Variants in TCF12 observed in about 807,000 individuals in gnomAD.
TCF12 encodes transcription factor 12.
A neutral mutation model predicts 86.0 loss-of-function variants in TCF12; 45 were observed. That is an observed-to-expected ratio of 0.52 (90% CI 0.41 to 0.67). TCF12 has a LOEUF of 0.67. Among genes scored for constraint, TCF12 ranks in the 30% least tolerant of loss-of-function variants. The probability of loss-of-function intolerance (pLI) is 0.00; values close to 1 mark genes in which losing one functional copy is unlikely to be tolerated. For synonymous variants in TCF12, 330 were observed against 299.6 expected (o/e 1.10, Z -1.05); for missense variants, 881 against 859.9 (o/e 1.02, Z -0.31).
intron 13 of TCF12, among the ~76,000 whole-genome samples, chr15:57,244,525 T>A (rs780526961): frequency 9.2e-5 from 14 of 152,208 alleles, no homozygotes; most frequent in Non-Finnish European, 4.4e-5. Context: ...AGTGGCATAA[T>A]CTCGGCTTAC....
In TCF12 at chr15:57,252,310, C is replaced by G. The variant is rs2060154383; in HGVS notation, c.1189-111C>G. 4.1e-6 allele frequency: 3 copies of G among 729,998 alleles called. No homozygotes were observed. The African/African-American group carries it at 5.3e-5, about 13-fold the overall frequency. 45.2% of individuals were successfully genotyped at this position (729,998 alleles called of 1,614,324 possible). ...ATAAAATAGATCTCGCAAGTCTTGG[C>G]GTTAACTTTACTAACATGTTATGCT... On this transcript the variant is annotated intron_variant, in intron 14 of 20. Coordinates refer to ENST00000333725, the MANE Select transcript of TCF12 (RefSeq NM_207037.2).
intron 6 of TCF12, among the ~76,000 whole-genome samples, chr15:57,176,147 A>G (rs1308998025): frequency 6.6e-6 from 1 of 152,168 alleles, no homozygotes; most frequent in African/African-American, 2.4e-5. Flanking sequence ...ACAGTGAGCT[A>G]TAATCGCATC....
At chr15:57,067,569 GT>G (rs1360885904) in intron 4 of TCF12, among the ~76,000 whole-genome samples, 2 of 149,168 alleles carry the variant, frequency 1.3e-5, no homozygotes, top group Non-Finnish European at 3.0e-5. Context: ...AAAAAGAGTG[GT>G]TATAGAAGAA....
At chr15:56,931,956 G>T (rs1369204489) in intron 3 of TCF12, among the ~76,000 whole-genome samples, 3 of 152,296 alleles carry the variant, frequency 2.0e-5, no homozygotes, top group Non-Finnish European at 4.4e-5. Flanking sequence ...CTTAAAGTTT[G>T]TAGGGGTTTG....
chr15:56,987,007 A>G (rs1402289434), intron 3 of TCF12, among the ~76,000 whole-genome samples: 4 of 152,186 alleles, frequency 2.6e-5, no homozygotes, highest in African/African-American at 9.7e-5. Context: ...CTATAATATT[A>G]CTAATTAATA....
At chr15:57,077,947 A>G (rs915775870) in intron 4 of TCF12, among the ~76,000 whole-genome samples, 23 of 152,106 alleles carry the variant, frequency 1.5e-4, no homozygotes, top group Admixed American at 1.1e-3. Context: ...TGTCTCGTCT[A>G]TGAGATGGGG....
intron 5 of TCF12, 120 bp downstream of exon 5, chr15:57,092,011 G>T (rs1261506529): frequency 1.5e-6 from 1 of 683,124 alleles, no homozygotes; most frequent in Non-Finnish European, 2.4e-6. Flanking sequence ...AGTTTCTAGG[G>T]GCATCTAGGG....
chr15:57,256,526 T>A (rs1340158642), intron 16 of TCF12, among the ~76,000 whole-genome samples: 1 of 151,986 alleles, frequency 6.6e-6, no homozygotes, highest in East Asian at 1.9e-4. Context: ...AATGTGGTTT[T>A]ACATTCTGGA....
At chr15:57,252,615 G>T in intron 15 of TCF12, 123 bp downstream of exon 15, 2 of 780,030 alleles carry the variant, frequency 2.6e-6, no homozygotes, top group Non-Finnish European at 4.1e-6. Flanking sequence ...GACTGTTTCA[G>T]TTTTTATCAC....
At chr15:57,048,601 T>TA (rs1191264449) in intron 3 of TCF12, among the ~76,000 whole-genome samples, 1 of 152,184 alleles carries the variant, frequency 6.6e-6, no homozygotes, top group Non-Finnish European at 1.5e-5. Flanking sequence ...GACTAAGTCT[T>TA]ACTTTGTATC....
intron 5 of TCF12, among the ~76,000 whole-genome samples, chr15:57,101,172 G>A (rs2049716537): frequency 6.6e-6 from 1 of 151,716 alleles, no homozygotes; most frequent in South Asian, 2.1e-4. Flanking sequence ...AGATTTTAGG[G>A]AGGCTTTTTT....
intron 5 of TCF12, among the ~76,000 whole-genome samples, chr15:57,111,155 A>G (rs1668997615): frequency 6.6e-6 from 1 of 151,392 alleles, no homozygotes; most frequent in Non-Finnish European, 1.5e-5. Flanking sequence ...GGAGTTTGTG[A>G]CAACTAGCTA....
intron 6 of TCF12, among the ~76,000 whole-genome samples, chr15:57,169,474 G>A (rs1439728939): frequency 1.3e-5 from 2 of 152,112 alleles, no homozygotes; most frequent in Non-Finnish European, 2.9e-5. Flanking sequence ...CTGAAAGATA[G>A]GATTAGCCAT....
intron 3 of TCF12, among the ~76,000 whole-genome samples, chr15:56,923,138 A>T (rs1167434148): frequency 1.3e-5 from 2 of 152,062 alleles, no homozygotes; most frequent in Non-Finnish European, 2.9e-5. Flanking sequence ...CATTTGACTT[A>T]TGAAAACTAG....
chr15:56,950,750 T>C (rs868363493), intron 3 of TCF12, among the ~76,000 whole-genome samples: 17,266 of 116,262 alleles, frequency 0.15, 3,347 homozygotes, highest in East Asian at 0.4. Flanking sequence ...ACCATGTTTT[T>C]TTTTTTTTTT....
chr15:57,007,857 CCTTCCTTCCTTCCTTCCTTCCTT>C lies in TCF12; in HGVS notation c.149-55891_149-55869del, dbSNP rs1567242385. Among the ~76,000 whole-genome samples, 12 of 7,954 alleles carry C rather than the reference CCTTCCTTCCTTCCTTCCTTCCTT, an allele frequency of 1.5e-3. 1 individual carries two copies. Among genetic ancestry groups the C allele is most frequent in the Admixed American group, 7.0e-3 (5 of 716 alleles). 5.2% of individuals were successfully genotyped at this position (7,954 alleles called of 152,430 possible). On this transcript the variant is annotated intron_variant, in intron 3 of 20. Transcript: ENST00000333725. ...CTTTCTTTCTCTCTTTCCCTCCCTT[CCTTCCTTCCTTCCTTCCTTCCTT>C]CCTTCCTTCCTTCCTTCCTTCCTTC...
At chr15:57,083,449 GAAAT>G (rs1304429906) in intron 4 of TCF12, among the ~76,000 whole-genome samples, 5 of 150,500 alleles carry the variant, frequency 3.3e-5, no homozygotes, top group African/African-American at 1.2e-4. Context: ...GAAAATCTGA[GAAAT>G]AATATATCTT....
At chr15:57,249,013 G>T (rs986946251) in intron 13 of TCF12, among the ~76,000 whole-genome samples, 2 of 152,034 alleles carry the variant, frequency 1.3e-5, no homozygotes, top group Non-Finnish European at 2.9e-5. Context: ...GTTACGGGGG[G>T]GCTTACAGAA....
intron 5 of TCF12, among the ~76,000 whole-genome samples, chr15:57,143,161 CAAAAA>C (rs34722160): frequency 1.7e-5 from 2 of 116,796 alleles, no homozygotes; most frequent in African/African-American, 3.5e-5. Flanking sequence ...CCCCCCCCAC[CAAAAA>C]AAAAAAAAAA....
Sources: allele counts gnomAD v4.1 joint callset (sites outside exome capture counted in the v4.1 genomes callset), GRCh38; gene constraint gnomAD v4.1.1; transcripts MANE v1.5; gene names NCBI Gene and HGNC (gene_info 2026-07-23, HGNC 2026-07-21).